TBPL1: variants seen among roughly 807,000 people sequenced by gnomAD.
The protein encoded by TBPL1 is TATA-box binding protein like 1, also known as TATA box-binding protein-like 1.
In TBPL1, 4 loss-of-function variants were observed where a neutral mutation model predicts 22.1. That is an observed-to-expected ratio of 0.18 (90% CI 0.09 to 0.41). The LOEUF (loss-of-function observed/expected upper bound fraction) is 0.41, where lower values mean the gene tolerates loss of function less well. Among genes scored for constraint, TBPL1 ranks in the 10% least tolerant of loss-of-function variants. The probability of loss-of-function intolerance (pLI) is 1.00; values close to 1 mark genes in which losing one functional copy is unlikely to be tolerated. For synonymous variants in TBPL1, 64 were observed against 71.0 expected (o/e 0.90, Z 0.50); for missense variants, 115 against 222.3 (o/e 0.52, Z 3.07).
At chr6:133,967,674 G>A (rs766251026) in intron 1 of TBPL1, among the ~76,000 whole-genome samples, 5 of 151,998 alleles carry the variant, frequency 3.3e-5, no homozygotes, top group Admixed American at 6.6e-5. Context: ...TAAGTATTTG[G>A]GTATCTAAAC....
At chr6:133,966,068 CAGAGAG>C (rs566214270) in intron 1 of TBPL1, among the ~76,000 whole-genome samples, 1 of 152,034 alleles carries the variant, frequency 6.6e-6, no homozygotes, top group African/African-American at 2.4e-5. Context: ...ACTTCAGAGA[CAGAGAG>C]AGACAGAAAG....
intron 1 of TBPL1, among the ~76,000 whole-genome samples, chr6:133,963,900 G>C (rs1379528269): frequency 6.6e-6 from 1 of 151,734 alleles, no homozygotes; most frequent in Non-Finnish European, 1.5e-5. Flanking sequence ...AATTAGCCAG[G>C]CGTGGTGGCG....
chr6:133,969,622 A>G (rs1464893100), intron 1 of TBPL1, among the ~76,000 whole-genome samples: 1 of 152,174 alleles, frequency 6.6e-6, no homozygotes, highest in African/African-American at 2.4e-5. Context: ...TTTTATGGCC[A>G]GGCAAACTTG....
intron 1 of TBPL1, among the ~76,000 whole-genome samples, chr6:133,958,980 C>T (rs976904743): frequency 6.6e-6 from 1 of 152,062 alleles, no homozygotes; most frequent in African/African-American, 2.4e-5. Context: ...ATGACTGTTG[C>T]ACCAAATAGA....
rs183426339 is a variant in TBPL1 at position 133,988,617 on chromosome 6, C to G, written c.*1577C>G. 3.7e-4 allele frequency: 56 copies of G among 152,272 alleles called. No homozygotes were observed. Among genetic ancestry groups the G allele is most frequent in the African/African-American group, 1.3e-3 (53 of 41,554 alleles). 9.4% of individuals were successfully genotyped at this position (152,272 alleles called of 1,614,324 possible). A position where few individuals can be genotyped will look rare whatever the true frequency, so the allele number is the denominator to read the frequency against. ...ATATTATTTTTATCTTTTTTCTTCTCAATGCCTTCCCTAACCTCCTGCTTA... is the reference window on the plus strand; with the variant it reads ...ATATTATTTTTATCTTTTTTCTTCTGAATGCCTTCCCTAACCTCCTGCTTA... On this transcript the variant is annotated 3_prime_UTR_variant, in exon 7 of 7. Transcript: ENST00000237264.
chr6:133,952,629 T>C (rs2114305697), upstream of TBPL1: 1 of 152,242 alleles, frequency 6.6e-6, no homozygotes. The surrounding 1 kb of genome is among the most constrained non-coding windows in gnomAD (Gnocchi z 4.5). Flanking sequence ...TAGTGAGGAA[T>C]CTCACTAGGG....
chr6:133,980,082 G>GA lies in TBPL1; in HGVS notation c.-43dup. 4.2e-6 allele frequency: 6 copies of GA among 1,434,140 alleles called. No individual in the cohort carries two copies. Among genetic ancestry groups the GA allele is most frequent in the Non-Finnish European group, 5.5e-6 (6 of 1,088,136 alleles). The allele number at this position is 1,434,140 out of a possible 1,614,324, so 88.8% of individuals were successfully genotyped here. On this transcript the variant is annotated splice_region_variant and 5_prime_UTR_variant, in exon 2 of 7. It adds an upstream start codon to the 5' untranslated region. Transcript: ENST00000237264. Reference sequence around the variant, plus strand: ...GACTTTATTTTGTTTTATTTCTCAGGATGTGATCTTCGTGGTGGAAAGCTA... The same window carrying GA: ...GACTTTATTTTGTTTTATTTCTCAGGAATGTGATCTTCGTGGTGGAAAGCTA...
intron 1 of TBPL1, among the ~76,000 whole-genome samples, chr6:133,979,046 T>A (rs1276816562): frequency 2.0e-5 from 3 of 152,164 alleles, no homozygotes; most frequent in Non-Finnish European, 4.4e-5. Flanking sequence ...TGGGGCTTGT[T>A]TGTTTGTATA....
In TBPL1 at chr6:133,982,653, A is replaced by C. The variant is rs1312538721; in HGVS notation, c.218+3A>C. The C allele has an allele frequency of 6.2e-7, 1 of 1,611,776 alleles. No homozygotes were observed. The highest frequency in any genetic ancestry group is 1.1e-5 in the South Asian group (1 of 90,296). ...ATTATTTGCACTGGAGCAACAAGGT[A>C]AATGCTACTTGGGTTTTTTGTTTTT... On this transcript the variant is annotated splice_donor_region_variant and intron_variant, in intron 3 of 6. Coordinates refer to ENST00000237264, the MANE Select transcript of TBPL1 (RefSeq NM_004865.4).
At chr6:133,982,713 T>A in intron 3 of TBPL1, 63 bp downstream of exon 3, 2 of 1,594,332 alleles carry the variant, frequency 1.3e-6, no homozygotes, top group Non-Finnish European at 1.7e-6. Context: ...AAGGACATTT[T>A]CCTAGACTTA....
chr6:133,962,431 A>T (rs922739702), intron 1 of TBPL1, among the ~76,000 whole-genome samples: 1 of 152,218 alleles, frequency 6.6e-6, no homozygotes, highest in Non-Finnish European at 1.5e-5. Context: ...ATTAAAAGTT[A>T]ACTGAGCAGA....
In TBPL1 at chr6:133,987,563, T is replaced by TA. The variant is rs1376396624; in HGVS notation, c.*527dup. 6.6e-6 allele frequency: 1 copy of TA among 152,246 alleles called. No individual in the cohort carries two copies. Among genetic ancestry groups the TA allele is most frequent in the Non-Finnish European group, 1.5e-5 (1 of 67,962 alleles). 9.4% of individuals were successfully genotyped at this position (152,246 alleles called of 1,614,324 possible). ...AAATTGTATTCATACTTCTTTTTTT[T>TA]AAAATCTATGCAAGCTTAAGACTTT... On this transcript the variant is annotated 3_prime_UTR_variant, in exon 7 of 7. Coordinates refer to ENST00000237264, the MANE Select transcript of TBPL1 (RefSeq NM_004865.4).
chr6:133,981,777 T>G lies in TBPL1; in HGVS notation c.136-791T>G, dbSNP rs539958933. ...TAGTCAGTGAGCATTTATGTCTTTCTTACATAGAATGAGCATCTAACAAAT... is the reference window on the plus strand; with the variant it reads ...TAGTCAGTGAGCATTTATGTCTTTCGTACATAGAATGAGCATCTAACAAAT... On this transcript the variant is annotated intron_variant, in intron 2 of 6. Coordinates refer to ENST00000237264, the MANE Select transcript of TBPL1 (RefSeq NM_004865.4). 6.6e-5 allele frequency among the ~76,000 whole-genome samples: 10 copies of G among 152,368 alleles called. No homozygotes were observed. In the East Asian group the frequency reaches 1.9e-3, roughly 29 times the overall value.
At chr6:133,965,291 G>A (rs1776099655) in intron 1 of TBPL1, among the ~76,000 whole-genome samples, 1 of 152,078 alleles carries the variant, frequency 6.6e-6, no homozygotes, top group Non-Finnish European at 1.5e-5. Flanking sequence ...CCGTAATATG[G>A]GAAGTAGGGG....
chr6:133,973,048 T>C (rs1343434442), intron 1 of TBPL1, among the ~76,000 whole-genome samples: 1 of 152,224 alleles, frequency 6.6e-6, no homozygotes, highest in Admixed American at 6.5e-5. Context: ...AACATCGTTC[T>C]AAAAGGCAAA....
rs751182223 is a variant in TBPL1 at position 133,980,278 on chromosome 6, C to T, written c.135+18C>T. 3.1e-5 allele frequency: 50 copies of T among 1,592,190 alleles called. No homozygotes were observed. The highest frequency in any genetic ancestry group is 4.1e-5 in the Non-Finnish European group (48 of 1,171,944). On this transcript the variant is annotated intron_variant, in intron 2 of 6. Coordinates refer to ENST00000237264, the MANE Select transcript of TBPL1 (RefSeq NM_004865.4). ...ATGTTGGAGTAAGTATCTGAGTTTTCGTATTTGTACTACATAGCCTAATTT... is the reference window on the plus strand; with the variant it reads ...ATGTTGGAGTAAGTATCTGAGTTTTTGTATTTGTACTACATAGCCTAATTT...
intron 6 of TBPL1, 53 bp from the exon 7 acceptor site, chr6:133,986,908 A>G (rs1453675581): frequency 3.2e-6 from 4 of 1,269,300 alleles, no homozygotes; most frequent in Non-Finnish European, 2.2e-6. Flanking sequence ...AGTTTTTCCT[A>G]GTGCTCCCTT....
chr6:133,982,554 T>A lies in TBPL1; in HGVS notation c.136-14T>A, dbSNP rs747906176. 1 of 1,605,918 alleles carries A rather than the reference T, an allele frequency of 6.2e-7. No individual in the cohort carries two copies. The highest frequency in any genetic ancestry group is 1.1e-5 in the South Asian group (1 of 89,210). The stretch of plus-strand genomic sequence containing the variant: ...ATAATGCTTATGAGGTAATCAGATT[T>A]TTTTTCCCCCCAGAAAGTATTAATG... On this transcript the variant is annotated splice_polypyrimidine_tract_variant and intron_variant, in intron 2 of 6. Transcript: ENST00000237264.
At chr6:133,967,708 C>T (rs72982268) in intron 1 of TBPL1, among the ~76,000 whole-genome samples, 3,899 of 152,218 alleles carry the variant, frequency 0.026, 77 homozygotes, top group African/African-American at 0.052. Context: ...AGTAGAACTA[C>T]GGTATTATAA....
Sources: gnomAD v4.1 joint callset for allele counts (sites outside exome capture counted in the v4.1 genomes callset) on GRCh38, gnomAD v4.1.1 for gene constraint, Gnocchi (gnomAD v3.1) non-coding constraint, MANE v1.5 for transcripts, NCBI Gene and HGNC (gene_info 2026-07-23, HGNC 2026-07-21) for gene names.